MDGA2: variants seen among roughly 807,000 people sequenced by gnomAD.
MDGA2 encodes MAM domain-containing glycosylphosphatidylinositol anchor protein 2.
MDGA2 carries 40 observed loss-of-function variants against 117.8 expected under a neutral mutation model. The ratio of observed to expected loss-of-function variants is 0.34; its 90% CI spans 0.26 to 0.44. The LOEUF is 0.44. Ranked by LOEUF, MDGA2 falls within the 20% of genes least tolerant of loss-of-function variation. The pLI, the probability that MDGA2 is intolerant of heterozygous loss-of-function variation, is 1.00. For synonymous variants in MDGA2, 452 were observed against 439.0 expected, an observed-to-expected ratio of 1.03 and a Z score of -0.37; for missense variants, 1,123 against 1,250.6, an observed-to-expected ratio of 0.90 and a Z score of 1.54.
At chr14:47,152,264 T>C (rs146435889) in intron 3 of MDGA2, among the ~76,000 whole-genome samples, 1 of 152,310 alleles carries the variant, frequency 6.6e-6, no homozygotes, top group East Asian at 1.9e-4. Flanking sequence ...TTTCTTTGTA[T>C]ACCTATAAGA....
intron 8 of MDGA2, among the ~76,000 whole-genome samples, chr14:46,981,173 G>GC (rs1555340293): frequency 9.2e-6 from 1 of 108,420 alleles, no homozygotes; most frequent in African/African-American, 3.4e-5. Context: ...GGAGGCCAAG[G>GC]GGGGGGCGGA....
At chr14:47,601,967 C>T (rs1309750571) in intron 1 of MDGA2, among the ~76,000 whole-genome samples, 1 of 152,124 alleles carries the variant, frequency 6.6e-6, no homozygotes, top group Non-Finnish European at 1.5e-5. Flanking sequence ...CCTGGAGTCG[C>T]TATGCACTGT....
intron 1 of MDGA2, among the ~76,000 whole-genome samples, chr14:47,544,462 G>C (rs1463331197): frequency 6.6e-6 from 1 of 152,092 alleles, no homozygotes; most frequent in African/African-American, 2.4e-5. Context: ...TGAATGGGTG[G>C]ATGGGATATG....
At chr14:47,485,176 T>C (rs938418974) in intron 1 of MDGA2, among the ~76,000 whole-genome samples, 2 of 152,076 alleles carry the variant, frequency 1.3e-5, no homozygotes, top group African/African-American at 4.8e-5. Flanking sequence ...ATAATGCTGA[T>C]AGTGATATGA....
At chr14:47,004,567 A>G (rs1223481979) in intron 8 of MDGA2, among the ~76,000 whole-genome samples, 5 of 151,826 alleles carry the variant, frequency 3.3e-5, no homozygotes, top group African/African-American at 1.2e-4. Flanking sequence ...TCTAAATTTT[A>G]GAATTAACTT....
At chr14:46,888,521 TATTAAAA>T (rs1202729388) in intron 10 of MDGA2, among the ~76,000 whole-genome samples, 1 of 151,954 alleles carries the variant, frequency 6.6e-6, no homozygotes, top group African/African-American at 2.4e-5. Context: ...TGAGACTTTT[TATTAAAA>T]ACTATAATTT....
rs1038354678 is a variant in MDGA2, at chr14:47,641,535, C to T, written c.280+32982G>A. On this transcript the variant is annotated intron_variant, in intron 1 of 16. Transcript: ENST00000399232. ...AGAAGATCCAGTGAAAGAGAGGATA[C>T]CAAAAAGAAACAGCATTTGAATAGG... is the stretch of plus-strand genomic sequence containing the variant. 2.8e-4 allele frequency among the ~76,000 whole-genome samples: 43 copies of T among 152,012 alleles called. 2 individuals are homozygous for T. The highest frequency in any genetic ancestry group is 2.2e-3 in the Admixed American group (33 of 15,260).
intron 7 of MDGA2, among the ~76,000 whole-genome samples, chr14:47,052,032 T>A (rs1889477132): frequency 6.6e-6 from 1 of 151,910 alleles, no homozygotes; most frequent in Admixed American, 6.6e-5. Flanking sequence ...GTGGAAGCAT[T>A]TATTCTTTAT....
chr14:47,131,535 A>G (rs1044699516), intron 5 of MDGA2, among the ~76,000 whole-genome samples, 179 bp downstream of exon 5: 2 of 152,024 alleles, frequency 1.3e-5, no homozygotes, highest in Non-Finnish European at 2.9e-5. Context: ...AGTATATTAC[A>G]ATGACATTTT....
chr14:47,623,183 A>G (rs1366113654), intron 1 of MDGA2, among the ~76,000 whole-genome samples: 1 of 152,162 alleles, frequency 6.6e-6, no homozygotes, highest in Admixed American at 6.5e-5. Flanking sequence ...TCTCTCACAC[A>G]TGCTTTTTTG....
intron 3 of MDGA2, chr14:47,200,670 G>GTTT: frequency 8.9e-7 from 1 of 1,117,704 alleles, no homozygotes; most frequent in Non-Finnish European, 1.3e-6. Flanking sequence ...CTCAAGAGCT[G>GTTT]TTTCTTCTTC....
intron 9 of MDGA2, among the ~76,000 whole-genome samples, chr14:46,954,947 A>T (rs371134854): frequency 6.6e-6 from 1 of 151,934 alleles, no homozygotes; most frequent in Non-Finnish European, 1.5e-5. Context: ...CATCTATTTA[A>T]TCACTCTAGA....
chr14:47,105,222 CAAG>C (rs1054062002), intron 5 of MDGA2, among the ~76,000 whole-genome samples: 2 of 152,148 alleles, frequency 1.3e-5, no homozygotes, highest in African/African-American at 4.8e-5. Flanking sequence ...TCCTAGGGGG[CAAG>C]AAGCCCCCAA....
intron 3 of MDGA2, among the ~76,000 whole-genome samples, chr14:47,174,733 A>G (rs549997220): frequency 6.6e-6 from 1 of 152,332 alleles, no homozygotes; most frequent in South Asian, 2.1e-4. Flanking sequence ...ATCACAATTA[A>G]AAGAGCCAGA....
At chr14:46,852,184 G>C (rs1267218060) in intron 15 of MDGA2, among the ~76,000 whole-genome samples, 1 of 151,770 alleles carries the variant, frequency 6.6e-6, no homozygotes, top group Non-Finnish European at 1.5e-5. Context: ...TACAAATACA[G>C]ATTGTTCCAT....
At chr14:47,223,626 A>T (rs921523489) in intron 2 of MDGA2, among the ~76,000 whole-genome samples, 1 of 152,168 alleles carries the variant, frequency 6.6e-6, no homozygotes, top group Admixed American at 6.5e-5. Flanking sequence ...AAAATTTGAT[A>T]GTTACTTAAC....
chr14:47,573,237 GA>G (rs1458888240), intron 1 of MDGA2, among the ~76,000 whole-genome samples: 6 of 152,146 alleles, frequency 3.9e-5, no homozygotes, highest in Admixed American at 3.9e-4. Flanking sequence ...AGTTGATTAA[GA>G]TAACAACACT....
chr14:47,166,351 C>T (rs1883877890), intron 3 of MDGA2, among the ~76,000 whole-genome samples: 1 of 152,044 alleles, frequency 6.6e-6, no homozygotes, highest in South Asian at 2.1e-4. Flanking sequence ...ACTATTTTAA[C>T]CTTTAATTCA....
At chr14:46,988,031 G>A (rs1160318846) in intron 8 of MDGA2, among the ~76,000 whole-genome samples, 1 of 151,690 alleles carries the variant, frequency 6.6e-6, no homozygotes, top group African/African-American at 2.4e-5. Flanking sequence ...GGAAAAATGA[G>A]TAATATAATA....
Sources: gnomAD v4.1 joint callset for allele counts (sites outside exome capture counted in the v4.1 genomes callset) on GRCh38, gnomAD v4.1.1 for gene constraint, MANE v1.5 for transcripts, NCBI Gene and HGNC (gene_info 2026-07-23, HGNC 2026-07-21) for gene names.